ZAP70: variants seen among roughly 807,000 people sequenced by gnomAD.
ZAP70 encodes zeta chain of T cell receptor associated protein kinase 70.
In ZAP70, 27 loss-of-function variants were observed where a neutral mutation model predicts 65.8. The ratio of observed to expected loss-of-function variants is 0.41; its 90% CI spans 0.30 to 0.57. The LOEUF is 0.57. Ranked by LOEUF, ZAP70 falls within the 20% of genes least tolerant of loss-of-function variation. The pLI, the probability that ZAP70 is intolerant of heterozygous loss-of-function variation, is 0.28. For missense variants in ZAP70, 696 were observed against 870.5 expected (o/e 0.80, Z 2.52); for synonymous variants, 363 against 360.8 (o/e 1.01, Z -0.07).
In ZAP70 at chr2:97,734,672, A is replaced by G. The variant is rs1195234572; in HGVS notation, c.1042A>G (p.Asn348Asp). The G allele has an allele frequency of 6.2e-7, 1 of 1,614,132 alleles. No homozygotes were observed. Among genetic ancestry groups the G allele is most frequent in the Admixed American group, 1.7e-5 (1 of 60,030 alleles). The change falls in exon 9 of 14, where the codon AAC (asparagine) becomes GAC (aspartate). Residue 348 changes from asparagine (N) to aspartate (D), a missense_variant. Physicochemically the swap from Asn to Asp is conservative, Grantham distance 23 (BLOSUM62 1). Around this residue, in one of 3 missense-constraint regions of ZAP70, gnomAD observed 551 missense variants for 630.0 expected, o/e 0.87. Transcript: ENST00000264972. ...AGCTGACATTGAACTTGGCTGCGGC[A>G]ACTTTGGCTCAGTGCGCCAGGGCGT... ...LIADIELGCG[N>D]FGSVRQGVYR...
chr2:97,724,213 T>G lies in ZAP70; in HGVS notation c.177T>G (p.Phe59Leu). The change falls in exon 3 of 14, where the codon TTT becomes TTG. Residue 59 changes from phenylalanine (F) to leucine (L), a missense_variant. Physicochemically the swap from Phe to Leu is conservative, Grantham distance 22. Transcript: ENST00000264972. ...SLVHDVRFHH[F>L]PIERQLNGTY... ...TGCACGATGTGCGCTTCCACCACTT[T>G]CCCATCGAGCGCCAGCTCAACGGCA... 2 of 1,600,728 alleles carry G rather than the reference T, an allele frequency of 1.2e-6. No homozygotes were observed. The highest frequency in any genetic ancestry group is 1.7e-6 in the Non-Finnish European group (2 of 1,175,140).
chr2:97,747,137 T>A, the ZAP70 span, among the ~76,000 whole-genome samples: 1 of 152,186 alleles, frequency 6.6e-6, no homozygotes, highest in Admixed American at 6.5e-5. Context: ...AGCTGCTTTG[T>A]AAAACAGTTT....
intron 4 of ZAP70, among the ~76,000 whole-genome samples, chr2:97,727,174 G>A (rs1398597363): frequency 6.6e-6 from 1 of 152,254 alleles, no homozygotes. Context: ...TGTCACTGAT[G>A]TCCTAATGGA....
the ZAP70 span, among the ~76,000 whole-genome samples, chr2:97,749,332 G>A: frequency 2.0e-5 from 3 of 152,190 alleles, no homozygotes; most frequent in African/African-American, 7.2e-5. Flanking sequence ...TTTACAAAAG[G>A]CACAGACTAA....
Position 97,739,662 on chromosome 2 carries a change from C to G in ZAP70, c.*164C>G. 7 of 1,128,128 alleles carry G rather than the reference C, an allele frequency of 6.2e-6. No individual in the cohort carries two copies. The highest frequency in any genetic ancestry group is 5.0e-6 in the Non-Finnish European group (4 of 804,070). 69.9% of individuals were successfully genotyped at this position (1,128,128 alleles called of 1,614,324 possible). A position where few individuals can be genotyped will look rare whatever the true frequency, so the allele number is the denominator to read the frequency against. ...CCGGCCTTGCATTGCCTGCCTGGCC[C>G]CCTGTCCTCTCTGGCTGGGGAGCAG... On this transcript the variant is annotated 3_prime_UTR_variant, in exon 14 of 14. Transcript: ENST00000264972.
At chr2:97,716,005 G>A (rs1289051420) in intron 2 of ZAP70, among the ~76,000 whole-genome samples, 1 of 152,190 alleles carries the variant, frequency 6.6e-6, no homozygotes, top group African/African-American at 2.4e-5. Context: ...TCAGGGCTGT[G>A]ATGTGGGAGG....
the ZAP70 span, among the ~76,000 whole-genome samples, chr2:97,755,510 A>T: frequency 6.6e-6 from 1 of 152,166 alleles, no homozygotes; most frequent in Non-Finnish European, 1.5e-5. Context: ...TAGCAGGTAA[A>T]CTGCTAAAGC....
the ZAP70 span, among the ~76,000 whole-genome samples, chr2:97,754,820 C>T: frequency 3.3e-5 from 5 of 152,198 alleles, no homozygotes; most frequent in Non-Finnish European, 5.9e-5. Context: ...TTGTCCTGAT[C>T]GTGCAAGTGC....
rs957686466 is a variant in ZAP70 at position 97,736,158 on chromosome 2, G to T, written c.1289+702G>T. Among the ~76,000 whole-genome samples, 2 of 152,062 alleles carry T rather than the reference G, an allele frequency of 1.3e-5. No individual in the cohort carries two copies. Among genetic ancestry groups the T allele is most frequent in the Non-Finnish European group, 2.9e-5 (2 of 68,020 alleles). The stretch of plus-strand genomic sequence containing the variant: ...GGAACCTGCCCTTTGTTTACGTGCT[G>T]CGTGGTTTTCTATTTTTAATTTTTT... On this transcript the variant is annotated intron_variant, in intron 10 of 13. Coordinates refer to ENST00000264972, the MANE Select transcript of ZAP70 (RefSeq NM_001079.4). The surrounding 1 kb of genome is among the most constrained non-coding windows in gnomAD (Gnocchi z 4.0).
downstream of ZAP70, among the ~76,000 whole-genome samples, chr2:97,741,501 C>T (rs1678129379): frequency 1.3e-5 from 2 of 152,040 alleles, no homozygotes; most frequent in Non-Finnish European, 2.9e-5. Context: ...GGAAAGCTCC[C>T]CGTCCCCCCC....
the ZAP70 span, among the ~76,000 whole-genome samples, chr2:97,755,367 A>G: frequency 1.3e-5 from 2 of 152,218 alleles, no homozygotes; most frequent in African/African-American, 4.8e-5. Context: ...TCCAGTCTGC[A>G]CCAAGGCTCC....
Position 97,737,659 on chromosome 2 carries a change from C to T in ZAP70, c.1476C>T (p.Tyr492=), listed in dbSNP as rs201580376. The change falls in exon 11 of 14, where the codon TAC becomes TAT. Residue 492 remains tyrosine (Y), a synonymous_variant. Coordinates refer to ENST00000264972, the MANE Select transcript of ZAP70 (RefSeq NM_001079.4). The surrounding 1 kb of genome is among the most constrained non-coding windows in gnomAD (Gnocchi z 5.0). ...LSKALGADDS[Y]YTARSAGKWP... Reference sequence around the variant, plus strand: ...AAGCACTGGGTGCCGACGACAGCTACTACACTGTAAGCCTCTGCCCCTGTG... The same window carrying T: ...AAGCACTGGGTGCCGACGACAGCTATTACACTGTAAGCCTCTGCCCCTGTG... 1 of 1,614,010 alleles carries T rather than the reference C, an allele frequency of 6.2e-7. No individual in the cohort carries two copies. The highest frequency in any genetic ancestry group is 8.5e-7 in the Non-Finnish European group (1 of 1,180,018).
chr2:97,748,684 G>T, the ZAP70 span, among the ~76,000 whole-genome samples: 1 of 152,200 alleles, frequency 6.6e-6, no homozygotes, highest in South Asian at 2.1e-4. Context: ...GCTGGGCGGG[G>T]TTCCCTCCCA....
At chr2:97,723,026 G>C (rs1677220924) in intron 2 of ZAP70, among the ~76,000 whole-genome samples, 2 of 152,142 alleles carry the variant, frequency 1.3e-5, no homozygotes, top group African/African-American at 4.8e-5. Flanking sequence ...CATAACCCAA[G>C]CCCTGTGAAT....
At chr2:97,717,769 T>C (rs1177919666) in intron 2 of ZAP70, among the ~76,000 whole-genome samples, 6 of 152,230 alleles carry the variant, frequency 3.9e-5, no homozygotes, top group African/African-American at 1.4e-4. Flanking sequence ...CCCTTGACTC[T>C]TTTTTCCTTT....
chr2:97,732,454 C>T (rs151261054), intron 4 of ZAP70, among the ~76,000 whole-genome samples: 40 of 152,204 alleles, frequency 2.6e-4, no homozygotes, highest in Non-Finnish European at 4.4e-4. Context: ...ACTGTATGGC[C>T]GAGTGTACCC....
At chr2:97,733,099 C>T in intron 5 of ZAP70, 26 bp from the exon 6 acceptor site, 1 of 1,614,030 alleles carries the variant, frequency 6.2e-7, no homozygotes, top group Non-Finnish European at 8.5e-7. Flanking sequence ...AGAGGAGCCT[C>T]TCTGCTAGCT....
rs1677866812 is a variant in ZAP70, at chr2:97,736,022, T to A, written c.1289+566T>A. 6.6e-6 allele frequency among the ~76,000 whole-genome samples: 1 copy of A among 151,936 alleles called. No homozygotes were observed. The highest frequency in any genetic ancestry group is 1.5e-5 in the Non-Finnish European group (1 of 67,982). ...ACTCCATCTCAAAAAAATAAATAAA[T>A]AAAAATAAATAAAGGGCACTGCTAG... On this transcript the variant is annotated intron_variant, in intron 10 of 13. Transcript: ENST00000264972. This position sits in a 1 kb window ranked among gnomAD's most constrained non-coding sequence, Gnocchi z 4.0.
intron 8 of ZAP70, chr2:97,733,831 C>T (rs1004309993): frequency 3.3e-6 from 2 of 603,670 alleles, no homozygotes; most frequent in Non-Finnish European, 5.9e-6. Context: ...TGAGGCTCCC[C>T]AGACACACGT....
Sources: gnomAD v4.1 joint callset for allele counts (sites outside exome capture counted in the v4.1 genomes callset) on GRCh38, gnomAD v4.1.1 for gene constraint, gnomAD v4.1.1 regional missense constraint, Gnocchi (gnomAD v3.1) non-coding constraint, MANE v1.5 for transcripts, NCBI Gene and HGNC (gene_info 2026-07-23, HGNC 2026-07-21) for gene names.